UGT2A2: variants seen among roughly 807,000 people sequenced by gnomAD.
UGT2A2 encodes UDP glucuronosyltransferase family 2 member A2.
Under a neutral mutation model 50.7 loss-of-function variants are expected in UGT2A2, and 60 were observed. The ratio of observed to expected loss-of-function variants is 1.18; its 90% CI spans 0.96 to 1.47. The LOEUF (loss-of-function observed/expected upper bound fraction) is 1.47, where lower values mean the gene tolerates loss of function less well. Among genes scored for constraint, UGT2A2 ranks in the 40% most tolerant of loss-of-function variants. The pLI is 0.00. For missense variants in UGT2A2, 762 were observed against 634.0 expected (o/e 1.20, Z -2.17); for synonymous variants, 242 against 214.6 (o/e 1.13, Z -1.11).
Position 69,606,232 on chromosome 4 carries a change from A to C in UGT2A2, c.743-6838T>G, listed in dbSNP as rs1719604155. Among the ~76,000 whole-genome samples, 2 of 136,440 alleles carry C rather than the reference A, an allele frequency of 1.5e-5. 1 individual carries two copies. 89.5% of individuals were successfully genotyped at this position (136,440 alleles called of 152,430 possible). On this transcript the variant is annotated intron_variant, in intron 1 of 5. Coordinates refer to ENST00000604629, the MANE Select transcript of UGT2A2 (RefSeq NM_001105677.2). Reference sequence around the variant, plus strand: ...TCAAAAAGCTTACCCACCATGATCAAGTGGGCTTCATCCCTGGGACGCAAG... The same window carrying C: ...TCAAAAAGCTTACCCACCATGATCACGTGGGCTTCATCCCTGGGACGCAAG...
intron 1 of UGT2A2, among the ~76,000 whole-genome samples, chr4:69,633,391 CT>C (rs1488900420): frequency 2.6e-5 from 4 of 152,108 alleles, no homozygotes; most frequent in African/African-American, 9.7e-5. Flanking sequence ...TTTGCACAAC[CT>C]TTTGGGAAAC....
At chr4:69,609,231 C>T (rs776962149) in intron 1 of UGT2A2, among the ~76,000 whole-genome samples, 12 of 151,636 alleles carry the variant, frequency 7.9e-5, no homozygotes, top group Non-Finnish European at 1.5e-4. Context: ...CAGCTCACTG[C>T]AGCCTTGACC....
intron 3 of UGT2A2, 43 bp downstream of exon 3, chr4:69,596,207 C>T: frequency 6.9e-7 from 1 of 1,444,220 alleles, no homozygotes; most frequent in Non-Finnish European, 9.2e-7. Flanking sequence ...TTGTCTCTCC[C>T]ATTAGTAAAA....
At chr4:69,590,861 T>C (rs1156770015) in intron 5 of UGT2A2, among the ~76,000 whole-genome samples, 1 of 152,214 alleles carries the variant, frequency 6.6e-6, no homozygotes, top group Non-Finnish European at 1.5e-5. Context: ...CACTAATGTT[T>C]TATGACTGAT....
At chr4:69,598,854 C>A (rs17147492) in intron 2 of UGT2A2, among the ~76,000 whole-genome samples, 1,759 of 152,104 alleles carry the variant, frequency 0.012, 26 homozygotes, top group African/African-American at 0.04. Context: ...TGGAATTCAC[C>A]CAACAGTTTT....
chr4:69,599,983 G>T (rs532886495), intron 1 of UGT2A2, among the ~76,000 whole-genome samples: 1 of 152,138 alleles, frequency 6.6e-6, no homozygotes, highest in East Asian at 1.9e-4. Context: ...CACTTGAAAA[G>T]ACAATATAGT....
intron 1 of UGT2A2, among the ~76,000 whole-genome samples, chr4:69,607,689 C>A (rs1719738741): frequency 1.3e-5 from 2 of 152,112 alleles, no homozygotes; most frequent in African/African-American, 4.8e-5. Context: ...GGGCTAATAT[C>A]CAGAATCTAC....
In UGT2A2 at chr4:69,591,796, C is replaced by T. The variant is rs548535753; in HGVS notation, c.1332-2145G>A. ...GAGTTAAAGAGAATCACAGACTGTA[C>T]CTACACTGATAATTAATAAAATGAA... On this transcript the variant is annotated intron_variant, in intron 5 of 5. Coordinates refer to ENST00000604629, the MANE Select transcript of UGT2A2 (RefSeq NM_001105677.2). Among the ~76,000 whole-genome samples, 184 of 152,140 alleles carry T rather than the reference C, an allele frequency of 1.2e-3. 1 individual carries two copies. The South Asian group carries it at 0.018, about 15-fold the overall frequency.
chr4:69,619,343 G>T (rs1720602361), intron 1 of UGT2A2, among the ~76,000 whole-genome samples: 1 of 151,846 alleles, frequency 6.6e-6, no homozygotes, highest in African/African-American at 2.4e-5. Context: ...AGACTACAGT[G>T]AGCCAACATC....
At chr4:69,603,099 A>C in intron 1 of UGT2A2, among the ~76,000 whole-genome samples, 1 of 136,492 alleles carries the variant, frequency 7.3e-6, no homozygotes, top group South Asian at 2.4e-4. Flanking sequence ...TAAATAAATA[A>C]ATCTTATTAA....
chr4:69,617,010 T>C (rs373591331), intron 1 of UGT2A2, among the ~76,000 whole-genome samples: 9 of 151,884 alleles, frequency 5.9e-5, no homozygotes, highest in Admixed American at 2.6e-4. Flanking sequence ...ATGAGAAATA[T>C]GTAGCTGGTG....
rs1394322293 is a variant in UGT2A2 at position 69,595,262 on chromosome 4, G to T, written c.1024-13C>A. On this transcript the variant is annotated splice_polypyrimidine_tract_variant and intron_variant, in intron 3 of 5. Transcript: ENST00000604629. ...ATCTCCATAAAACCTGTGGAAAATG[G>T]TGCTTTAATTTTGCAAGGAAAAACA... 1 of 1,612,936 alleles carries T rather than the reference G, an allele frequency of 6.2e-7. No homozygotes were observed. Among genetic ancestry groups the T allele is most frequent in the East Asian group, 2.2e-5 (1 of 44,772 alleles).
chr4:69,635,828 C>CAAAAAAAAAAAAACAA (rs1721659414), intron 1 of UGT2A2: 1 of 49,134 alleles, frequency 2.0e-5, no homozygotes, highest in Non-Finnish European at 3.9e-5. Context: ...TCCACCTCAC[C>CAAAAAAAAAAAAACAA]AAAAAAAAAA....
chr4:69,630,821 C>T (rs1721339377), intron 1 of UGT2A2, among the ~76,000 whole-genome samples: 1 of 152,012 alleles, frequency 6.6e-6, no homozygotes, highest in Admixed American at 6.6e-5. Context: ...TACCAAGTCT[C>T]CAGCACACCC....
intron 1 of UGT2A2, among the ~76,000 whole-genome samples, chr4:69,633,391 C>A (rs1721493980): frequency 6.6e-6 from 1 of 152,108 alleles, no homozygotes; most frequent in African/African-American, 2.4e-5. Flanking sequence ...TTTGCACAAC[C>A]TTTTGGGAAA....
chr4:69,638,542 G>T (rs371890211), intron 1 of UGT2A2, among the ~76,000 whole-genome samples: 3 of 152,046 alleles, frequency 2.0e-5, no homozygotes, highest in Non-Finnish European at 4.4e-5. Flanking sequence ...AAGGAGGCAT[G>T]GTAAATCATG....
chr4:69,634,240 A>G (rs890721451), intron 1 of UGT2A2, among the ~76,000 whole-genome samples: 2 of 146,508 alleles, frequency 1.4e-5, no homozygotes, highest in African/African-American at 2.6e-5. Flanking sequence ...GCGAGACTCC[A>G]TCTCAAAAAT....
intron 5 of UGT2A2, among the ~76,000 whole-genome samples, chr4:69,590,167 G>A (rs957782348): frequency 5.3e-5 from 8 of 152,120 alleles, no homozygotes; most frequent in Non-Finnish European, 1.0e-4. Context: ...TGTTTGTGAC[G>A]AAAAGGACAG....
intron 5 of UGT2A2, among the ~76,000 whole-genome samples, chr4:69,592,012 G>A (rs1043239898): frequency 1.3e-5 from 2 of 152,170 alleles, no homozygotes; most frequent in Non-Finnish European, 2.9e-5. Flanking sequence ...TGGATGGGGA[G>A]CAAAAGTGGA....
Sources: gnomAD v4.1 joint callset for allele counts (sites outside exome capture counted in the v4.1 genomes callset) on GRCh38, gnomAD v4.1.1 for gene constraint, MANE v1.5 for transcripts, NCBI Gene and HGNC (gene_info 2026-07-23, HGNC 2026-07-21) for gene names.